PRKACB: variants seen among roughly 807,000 people sequenced by gnomAD.
PRKACB encodes cAMP-dependent protein kinase catalytic subunit beta.
PRKACB carries 16 observed loss-of-function variants against 51.4 expected under a neutral mutation model. The observed-to-expected ratio is 0.31, with a 90% CI of 0.21 to 0.47. The LOEUF (loss-of-function observed/expected upper bound fraction) is 0.47. PRKACB is among the 20% of genes least tolerant of loss of function. The probability of loss-of-function intolerance (pLI) is 1.00; values close to 1 mark genes in which losing one functional copy is unlikely to be tolerated. For missense variants in PRKACB, 309 were observed against 464.5 expected, an observed-to-expected ratio of 0.67 and a Z score of 3.08; for synonymous variants, 147 against 154.4, an observed-to-expected ratio of 0.95 and a Z score of 0.35.
chr1:84,157,659 T>A (rs1394284841), intron 1 of PRKACB, among the ~76,000 whole-genome samples: 4 of 152,174 alleles, frequency 2.6e-5, no homozygotes, highest in African/African-American at 4.8e-5. Flanking sequence ...TAATATGTTA[T>A]CTTTTACTTT....
intron 1 of PRKACB, among the ~76,000 whole-genome samples, chr1:84,107,585 A>G (rs534040359): frequency 1.8e-4 from 27 of 152,198 alleles, no homozygotes; most frequent in Admixed American, 1.3e-4. Context: ...TGACTAATGT[A>G]TAGTTAGTCT....
chr1:84,102,059 G>A (rs1649387332), intron 1 of PRKACB, among the ~76,000 whole-genome samples: 2 of 152,028 alleles, frequency 1.3e-5, no homozygotes, highest in Admixed American at 1.3e-4. Flanking sequence ...TTAAAGTGAT[G>A]TCTCACAGAC....
At chr1:84,183,902 T>C (rs1664334688) in intron 3 of PRKACB, 135 bp from the exon 4 acceptor site, 1 of 935,734 alleles carries the variant, frequency 1.1e-6, no homozygotes, top group African/African-American at 1.7e-5. Context: ...AAGTTGGTAA[T>C]TGTTATTATC....
intron 1 of PRKACB, chr1:84,164,644 T>C: frequency 7.2e-7 from 1 of 1,392,840 alleles, no homozygotes; most frequent in South Asian, 1.6e-5. Flanking sequence ...CAACTCATGC[T>C]GATATAATTG....
intron 1 of PRKACB, among the ~76,000 whole-genome samples, chr1:84,155,448 C>T (rs764716790): frequency 9.2e-5 from 14 of 152,050 alleles, no homozygotes; most frequent in Non-Finnish European, 1.8e-4. Flanking sequence ...GTATCCAAAG[C>T]GATCTACAGA....
intron 1 of PRKACB, among the ~76,000 whole-genome samples, chr1:84,158,642 T>A (rs1655810709): frequency 6.6e-6 from 1 of 152,104 alleles, no homozygotes; most frequent in Non-Finnish European, 1.5e-5. Flanking sequence ...TTAAAAATGA[T>A]GTATTTGAAG....
intron 1 of PRKACB, among the ~76,000 whole-genome samples, chr1:84,101,082 A>G (rs1017175073): frequency 3.3e-5 from 5 of 152,222 alleles, no homozygotes; most frequent in African/African-American, 1.2e-4. Context: ...CACCAGAGAA[A>G]CAGAACCAGT....
rs79833103 is a variant in PRKACB at position 84,153,226 on chromosome 1, C to T, written c.187+8678C>T. On this transcript the variant is annotated intron_variant, in intron 1 of 9. Coordinates refer to ENST00000370685, the MANE Select transcript of PRKACB (RefSeq NM_182948.4). ...CCTAAAACAGTTAAAATAGTAACATCTGAACACAGATCGCCATAACAGATA... is the reference window on the plus strand; with the variant it reads ...CCTAAAACAGTTAAAATAGTAACATTTGAACACAGATCGCCATAACAGATA... Among the ~76,000 whole-genome samples the T allele has an allele frequency of 1.9e-3, 286 of 152,110 alleles. 1 individual carries two copies. The highest frequency in any genetic ancestry group is 6.4e-3 in the African/African-American group (267 of 41,502).
rs369513745 is a variant in PRKACB, at chr1:84,164,368, G to A, written c.188-14809G>A. ...GTAAGAGCTGGTGTAATTGAAAGAC[G>A]TTTAGGTGCAATCATTCTGCTGTTT... On this transcript the variant is annotated intron_variant, in intron 1 of 9. Transcript: ENST00000370685. 96 of 1,562,702 alleles carry A rather than the reference G, an allele frequency of 6.1e-5. 1 individual carries two copies. The highest frequency in any genetic ancestry group is 4.5e-4 in the South Asian group (38 of 84,896).
intron 1 of PRKACB, among the ~76,000 whole-genome samples, chr1:84,147,688 G>A (rs1654289116): frequency 6.6e-6 from 1 of 151,918 alleles, no homozygotes; most frequent in African/African-American, 2.4e-5. Context: ...TGTTACTAAA[G>A]AGAAAATGGG....
chr1:84,164,366 A>T, intron 1 of PRKACB: 1 of 1,561,016 alleles, frequency 6.4e-7, no homozygotes, highest in Non-Finnish European at 8.7e-7. Context: ...TAATTGAAAG[A>T]CGTTTAGGTG....
chr1:84,213,860 TG>T (rs946584442), intron 8 of PRKACB, among the ~76,000 whole-genome samples: 1 of 152,212 alleles, frequency 6.6e-6, no homozygotes, highest in African/African-American at 2.4e-5. Flanking sequence ...TCTGATATTT[TG>T]CAAAAGTTCT....
intron 1 of PRKACB, among the ~76,000 whole-genome samples, chr1:84,163,837 C>T (rs1222873219): frequency 1.3e-5 from 2 of 151,972 alleles, no homozygotes; most frequent in African/African-American, 4.8e-5. Flanking sequence ...GGCAAGTTCA[C>T]GTGCTGAAGT....
At chr1:84,126,714 C>A (rs1651648569) in intron 1 of PRKACB, among the ~76,000 whole-genome samples, 1 of 152,190 alleles carries the variant, frequency 6.6e-6, no homozygotes, top group Non-Finnish European at 1.5e-5. Context: ...GTCTATATCA[C>A]TTCCTCACCC....
chr1:84,154,668 A>T (rs1363866481), intron 1 of PRKACB, among the ~76,000 whole-genome samples: 2 of 152,128 alleles, frequency 1.3e-5, no homozygotes. Flanking sequence ...TCTCAACAAA[A>T]TACTAGCAAA....
intron 9 of PRKACB, among the ~76,000 whole-genome samples, chr1:84,225,522 G>T (rs1402687806): frequency 2.0e-5 from 3 of 152,140 alleles, no homozygotes; most frequent in Non-Finnish European, 4.4e-5. Flanking sequence ...ATAGACATGG[G>T]GCACTGTCAG....
At chr1:84,116,150 A>G (rs145401507) in intron 1 of PRKACB, among the ~76,000 whole-genome samples, 355 of 152,076 alleles carry the variant, frequency 2.3e-3, no homozygotes, top group African/African-American at 8.0e-3. Flanking sequence ...TCAAAGATCA[A>G]TTGGCTGTAA....
intron 9 of PRKACB, among the ~76,000 whole-genome samples, chr1:84,231,460 CTT>C (rs1675639920): frequency 6.6e-6 from 1 of 152,148 alleles, no homozygotes; most frequent in African/African-American, 2.4e-5. Context: ...AGGATTCCCT[CTT>C]TTTCTATTGA....
At chr1:84,204,845 G>A (rs1364266911) in intron 8 of PRKACB, 2 of 984,052 alleles carry the variant, frequency 2.0e-6, no homozygotes, top group East Asian at 1.0e-4. Context: ...TAAAATTAAT[G>A]TGTCTTCATT....
Sources: allele counts gnomAD v4.1 joint callset (sites outside exome capture counted in the v4.1 genomes callset), GRCh38; gene constraint gnomAD v4.1.1; transcripts MANE v1.5; gene names NCBI Gene and HGNC (gene_info 2026-07-23, HGNC 2026-07-21).